Variants in OPCML observed in about 807,000 individuals in gnomAD.
OPCML encodes opioid binding protein/cell adhesion molecule like.
In OPCML, 13 loss-of-function variants were observed where a neutral mutation model predicts 37.8. That is an observed-to-expected ratio of 0.34 (90% CI 0.22 to 0.55). The LOEUF is 0.55. Among genes scored for constraint, OPCML ranks in the 20% least tolerant of loss-of-function variants. OPCML has a pLI of 0.91. For missense variants in OPCML, 341 were observed against 435.6 expected (o/e 0.78, Z 1.93); for synonymous variants, 176 against 168.8 (o/e 1.04, Z -0.33).
intron 1 of OPCML, among the ~76,000 whole-genome samples, chr11:133,219,996 TA>T (rs1210120084): frequency 1.3e-5 from 2 of 152,262 alleles, no homozygotes; most frequent in African/African-American, 4.8e-5. Flanking sequence ...ACATCTTTTC[TA>T]TTTAATGTTA....
At chr11:132,600,616 G>A (rs963515829) in intron 3 of OPCML, among the ~76,000 whole-genome samples, 6 of 152,110 alleles carry the variant, frequency 3.9e-5, no homozygotes, top group Non-Finnish European at 7.4e-5. Context: ...GATATATGAC[G>A]TGTGACAACA....
At chr11:132,927,852 TTTTGTATGTAA>T (rs1275821053) in intron 2 of OPCML, among the ~76,000 whole-genome samples, 1 of 152,054 alleles carries the variant, frequency 6.6e-6, no homozygotes, top group Non-Finnish European at 1.5e-5. Context: ...GGAGTAGAGT[TTTTGTATGTAA>T]TTTAAGTTGT....
chr11:133,108,383 C>T (rs1033450280), intron 1 of OPCML, among the ~76,000 whole-genome samples: 3 of 152,158 alleles, frequency 2.0e-5, no homozygotes, highest in African/African-American at 7.2e-5. Context: ...GGACTGTCGT[C>T]AGACTTTTGG....
At chr11:132,449,179 T>C (rs77540519) in intron 4 of OPCML, among the ~76,000 whole-genome samples, 4,470 of 152,306 alleles carry the variant, frequency 0.029, 206 homozygotes, top group East Asian at 0.17. Flanking sequence ...AGCTCTCATC[T>C]GTCACTGTGC....
At chr11:133,125,585 GTATA>G (rs200276318) in intron 1 of OPCML, among the ~76,000 whole-genome samples, 1 of 145,058 alleles carries the variant, frequency 6.9e-6, no homozygotes, top group African/African-American at 2.5e-5. Context: ...ATAGACACAT[GTATA>G]TATATAGTGT....
intron 2 of OPCML, among the ~76,000 whole-genome samples, chr11:132,780,550 G>C (rs770530619): frequency 6.6e-6 from 1 of 152,268 alleles, no homozygotes. Flanking sequence ...GAAAGATACC[G>C]ATTAAAAATC....
In OPCML at chr11:133,258,739, C is replaced by G. The variant is rs551781984; in HGVS notation, c.61+273525G>C. ...CACCGTGGCCCCCTCCCACTCACAC[C>G]CATGGTTCTGGAGATCTAAGTACCC... is the stretch of plus-strand genomic sequence containing the variant. On this transcript the variant is annotated intron_variant, in intron 1 of 7. Coordinates refer to ENST00000524381, the MANE Select transcript of OPCML (RefSeq NM_001012393.5). Among the ~76,000 whole-genome samples, 3 of 152,214 alleles carry G rather than the reference C, an allele frequency of 2.0e-5. No homozygotes were observed. The East Asian group carries it at 5.8e-4, about 29-fold the overall frequency.
At chr11:132,720,489 A>G (rs1944638418) in intron 2 of OPCML, among the ~76,000 whole-genome samples, 1 of 152,262 alleles carries the variant, frequency 6.6e-6, no homozygotes, top group African/African-American at 2.4e-5. Context: ...TTGCAGTTAA[A>G]AACTGCATTT....
rs938040201 is a variant in OPCML, at chr11:132,806,552, G to C, written c.146+136374C>G. Among the ~76,000 whole-genome samples the C allele has an allele frequency of 4.6e-5, 7 of 152,156 alleles. No individual in the cohort carries two copies. In the East Asian group the frequency reaches 9.6e-4, roughly 21 times the overall value. ...GATAAAAGAGCAAATTACCCACAAG[G>C]CATGCTAATCTTAAATATGTATTCA... On this transcript the variant is annotated intron_variant, in intron 2 of 7. Transcript: ENST00000524381.
intron 4 of OPCML, among the ~76,000 whole-genome samples, chr11:132,450,140 G>C (rs758384096): frequency 6.6e-6 from 1 of 152,166 alleles, no homozygotes; most frequent in Non-Finnish European, 1.5e-5. Flanking sequence ...TGCCTTCCTT[G>C]CTGGGTCTTC....
At chr11:132,904,422 T>C (rs1206648711) in intron 2 of OPCML, among the ~76,000 whole-genome samples, 2 of 152,230 alleles carry the variant, frequency 1.3e-5, no homozygotes, top group Non-Finnish European at 2.9e-5. Context: ...AGATGGAATG[T>C]CATCTTGACA....
intron 2 of OPCML, among the ~76,000 whole-genome samples, chr11:132,933,434 G>A (rs1330659678): frequency 6.6e-6 from 1 of 152,178 alleles, no homozygotes; most frequent in African/African-American, 2.4e-5. Flanking sequence ...GGCAGAGAAA[G>A]GACAAGTGAA....
chr11:133,412,578 A>G (rs1026642862), intron 1 of OPCML, among the ~76,000 whole-genome samples: 2 of 152,232 alleles, frequency 1.3e-5, no homozygotes, highest in South Asian at 2.1e-4. Context: ...TGTATTTTCT[A>G]TGAATGAGAA....
At chr11:132,433,284 C>T (rs1448226459) in intron 7 of OPCML, among the ~76,000 whole-genome samples, 1 of 152,182 alleles carries the variant, frequency 6.6e-6, no homozygotes, top group African/African-American at 2.4e-5. Flanking sequence ...CTTTGATGAA[C>T]ATTGTCTTAT....
At chr11:133,373,697 C>T (rs1944736211) in intron 1 of OPCML, among the ~76,000 whole-genome samples, 1 of 150,814 alleles carries the variant, frequency 6.6e-6, no homozygotes. Context: ...GAAAGTACAC[C>T]CAAACATCTT....
intron 2 of OPCML, among the ~76,000 whole-genome samples, chr11:132,878,827 G>T (rs1427940208): frequency 2.0e-5 from 3 of 152,116 alleles, no homozygotes; most frequent in East Asian, 3.9e-4. Context: ...TTTTAGATCT[G>T]GGATGTTGAA....
At chr11:132,844,838 A>G (rs1366966539) in intron 2 of OPCML, among the ~76,000 whole-genome samples, 1 of 152,008 alleles carries the variant, frequency 6.6e-6, no homozygotes, top group Non-Finnish European at 1.5e-5. Context: ...GTCACTGCAC[A>G]CTATAAGTGG....
At chr11:133,178,743 C>T (rs978950865) in intron 1 of OPCML, among the ~76,000 whole-genome samples, 1 of 152,026 alleles carries the variant, frequency 6.6e-6, no homozygotes. Flanking sequence ...GGCATTCAGC[C>T]GAGGTAGGTG....
At chr11:133,520,410 C>T (rs757637091) in intron 1 of OPCML, among the ~76,000 whole-genome samples, 2 of 152,110 alleles carry the variant, frequency 1.3e-5, no homozygotes, top group South Asian at 2.1e-4. Flanking sequence ...CTTTCTCCCA[C>T]GCAAGCAGAA....
Sources: allele counts gnomAD v4.1 joint callset (sites outside exome capture counted in the v4.1 genomes callset), GRCh38; gene constraint gnomAD v4.1.1; transcripts MANE v1.5; gene names NCBI Gene and HGNC (gene_info 2026-07-23, HGNC 2026-07-21).